The following NCKAP5 variants were observed in gnomAD, a reference collection of about 807,000 sequenced individuals.
NCKAP5 encodes the protein nck-associated protein 5.
NCKAP5 carries 92 observed loss-of-function variants against 167.0 expected under a neutral mutation model. The observed-to-expected ratio is 0.55, with a 90% CI of 0.47 to 0.66. The LOEUF (loss-of-function observed/expected upper bound fraction) is 0.66. NCKAP5 is among the 30% of genes least tolerant of loss of function. The pLI, the probability that NCKAP5 is intolerant of heterozygous loss-of-function variation, is 0.00. For missense variants in NCKAP5, 2,378 were observed against 2,315.0 expected, an observed-to-expected ratio of 1.03 and a Z score of -0.56; for synonymous variants, 891 against 877.4, an observed-to-expected ratio of 1.02 and a Z score of -0.27.
At chr2:133,123,798 T>C (rs1235707272) in intron 6 of NCKAP5, 2 of 471,030 alleles carry the variant, frequency 4.2e-6, no homozygotes, top group Non-Finnish European at 8.8e-6. Context: ...TTTTCCTCCT[T>C]CTAAAGATGC....
chr2:133,402,496 G>C (rs1017981325), intron 3 of NCKAP5, among the ~76,000 whole-genome samples: 1 of 152,150 alleles, frequency 6.6e-6, no homozygotes, highest in African/African-American at 2.4e-5. Context: ...ATAGGGTTTG[G>C]ATGTTCTGTT....
chr2:132,723,227 C>G (rs1317034949), intron 19 of NCKAP5, among the ~76,000 whole-genome samples: 1 of 147,246 alleles, frequency 6.8e-6, no homozygotes, highest in African/African-American at 2.5e-5. Flanking sequence ...CTCACTGCAA[C>G]CTCCACCTCC....
At chr2:133,487,023 C>T (rs2151333015) in intron 3 of NCKAP5, among the ~76,000 whole-genome samples, 1 of 152,212 alleles carries the variant, frequency 6.6e-6, no homozygotes, top group East Asian at 1.9e-4. Context: ...AAGGCAGTGC[C>T]CAGCCCTGTG....
At chr2:133,499,326 G>C (rs570982372) in intron 3 of NCKAP5, among the ~76,000 whole-genome samples, 3 of 152,084 alleles carry the variant, frequency 2.0e-5, no homozygotes, top group African/African-American at 7.2e-5. Flanking sequence ...CACGTTAAAC[G>C]TCTATCACAG....
At chr2:133,148,422 C>A (rs2083275894) in intron 5 of NCKAP5, among the ~76,000 whole-genome samples, 1 of 152,108 alleles carries the variant, frequency 6.6e-6, no homozygotes, top group Non-Finnish European at 1.5e-5. Context: ...ACACATTTCA[C>A]ACTCTTAATG....
intron 3 of NCKAP5, among the ~76,000 whole-genome samples, chr2:133,373,484 C>T (rs148695216): frequency 3.3e-5 from 5 of 152,310 alleles, no homozygotes; most frequent in African/African-American, 1.2e-4. Context: ...AATATCAGTT[C>T]TTTCAAACCT....
chr2:133,572,168 A>T (rs1688891482), upstream of NCKAP5, among the ~76,000 whole-genome samples: 1 of 152,220 alleles, frequency 6.6e-6, no homozygotes, highest in Non-Finnish European at 1.5e-5. Flanking sequence ...CAGTGTCCTA[A>T]GGAGCCCTGG....
the NCKAP5 span, among the ~76,000 whole-genome samples, chr2:133,658,086 C>T: frequency 1.3e-5 from 2 of 148,790 alleles, no homozygotes; most frequent in East Asian, 2.0e-4. Flanking sequence ...AGTTCATCCA[C>T]CCCAACCACC....
chr2:133,053,590 C>G (rs978580551), intron 6 of NCKAP5, among the ~76,000 whole-genome samples: 1 of 152,194 alleles, frequency 6.6e-6, no homozygotes, highest in African/African-American at 2.4e-5. Context: ...CTTTCTGAAT[C>G]CTACTGTGCC....
chr2:133,473,383 GT>G (rs2151290511), intron 3 of NCKAP5, among the ~76,000 whole-genome samples: 1 of 152,288 alleles, frequency 6.6e-6, no homozygotes, highest in African/African-American at 2.4e-5. Flanking sequence ...AGAAGTAGTT[GT>G]CAAAGTTTAG....
At position 133,517,481 on chromosome 2, in the gene NCKAP5, G is replaced by A. The variant is rs756568786; in HGVS notation, c.46C>T (p.Leu16=). The A allele has an allele frequency of 2.1e-5, 32 of 1,529,638 alleles. No individual in the cohort carries two copies. In the Middle Eastern group the frequency reaches 1.5e-3, roughly 73 times the overall value. 94.8% of individuals were successfully genotyped at this position (1,529,638 alleles called of 1,614,324 possible). A position where few individuals can be genotyped will look rare whatever the true frequency, so the allele number is the denominator to read the frequency against. The part of the protein sequence containing the change: ...QLEKRDFGKR[L]SLDSSLVEYM... The stretch of plus-strand genomic sequence containing the variant: ...ACCACAAGACTGCTGTCTAGAGACA[G>A]CCTTTTTCCAAAGTCCCTTTTCTCA... The change falls in exon 3 of 20, where the codon CTG becomes TTG. Residue 16 remains leucine, a synonymous_variant. Transcript: ENST00000409261.
intron 3 of NCKAP5, among the ~76,000 whole-genome samples, chr2:133,478,709 C>T (rs1420701018): frequency 6.6e-6 from 1 of 152,106 alleles, no homozygotes; most frequent in African/African-American, 2.4e-5. Context: ...CCCTAGTCAA[C>T]TGCGATGCAT....
chr2:132,775,545 G>A (rs1682473885), intron 15 of NCKAP5, among the ~76,000 whole-genome samples: 1 of 152,188 alleles, frequency 6.6e-6, no homozygotes. Context: ...GAAAGTCAGA[G>A]AATGAAAGAA....
At chr2:133,632,112 A>G in the NCKAP5 span, among the ~76,000 whole-genome samples, 1 of 152,172 alleles carries the variant, frequency 6.6e-6, no homozygotes, top group Non-Finnish European at 1.5e-5. Flanking sequence ...CTGTCCCCCA[A>G]GCTGCAGTGG....
At chr2:133,093,160 T>TA (rs2081244249) in intron 6 of NCKAP5, among the ~76,000 whole-genome samples, 2 of 152,368 alleles carry the variant, frequency 1.3e-5, no homozygotes, top group African/African-American at 4.8e-5. Flanking sequence ...TATTAGCTGT[T>TA]ACTATTGCTA....
At chr2:132,926,255 G>A (rs532649881) in intron 8 of NCKAP5, 5 of 307,144 alleles carry the variant, frequency 1.6e-5, no homozygotes, top group Non-Finnish European at 1.4e-5. Context: ...GTATTCCATT[G>A]TGTGTATATA....
chr2:133,017,135 CAA>C (rs994301451), intron 6 of NCKAP5, among the ~76,000 whole-genome samples: 62 of 152,300 alleles, frequency 4.1e-4, no homozygotes, highest in African/African-American at 1.4e-3. Flanking sequence ...TAACAAAGTG[CAA>C]AGACAATACC....
intron 3 of NCKAP5, among the ~76,000 whole-genome samples, chr2:133,422,671 G>A (rs1689555107): frequency 1.3e-5 from 2 of 152,086 alleles, no homozygotes; most frequent in Non-Finnish European, 2.9e-5. Flanking sequence ...CTTTTCTAAG[G>A]CAACATTTCC....
chr2:132,877,228 G>C (rs1316883594), intron 9 of NCKAP5, among the ~76,000 whole-genome samples: 1 of 152,150 alleles, frequency 6.6e-6, no homozygotes, highest in Non-Finnish European at 1.5e-5. Flanking sequence ...TTTAACTTTG[G>C]ACATTGTCAA....
Sources: allele counts gnomAD v4.1 joint callset (sites outside exome capture counted in the v4.1 genomes callset), GRCh38; gene constraint gnomAD v4.1.1; transcripts MANE v1.5; gene names NCBI Gene and HGNC (gene_info 2026-07-23, HGNC 2026-07-21).